Variants in VWA8 observed in about 807,000 individuals in gnomAD.
The protein encoded by VWA8 is von Willebrand factor A domain-containing protein 8.
VWA8 carries 221 observed loss-of-function variants against 241.5 expected under a neutral mutation model. The observed-to-expected ratio is 0.91, with a 90% confidence interval of 0.82 to 1.02. The LOEUF is 1.02. Among genes scored for constraint, VWA8 ranks in the 50% least tolerant of loss-of-function variants. The probability of loss-of-function intolerance (pLI) is 0.00; values close to 1 mark genes in which losing one functional copy is unlikely to be tolerated. For missense variants in VWA8, 2,322 were observed against 2,328.7 expected (o/e 1.00, Z 0.06); for synonymous variants, 852 against 827.1 (o/e 1.03, Z -0.52).
chr13:41,738,253 C>T (rs755333569), intron 21 of VWA8, among the ~76,000 whole-genome samples: 8 of 152,090 alleles, frequency 5.3e-5, no homozygotes, highest in African/African-American at 1.4e-4. Context: ...AGTAGTCAAT[C>T]ACTCATCACT....
intron 36 of VWA8, among the ~76,000 whole-genome samples, chr13:41,673,014 T>C (rs2045036133): frequency 6.6e-6 from 1 of 152,156 alleles, no homozygotes; most frequent in Admixed American, 6.5e-5. Context: ...CTTTAATTTA[T>C]TTAAAAAAAA....
At chr13:41,691,275 T>C (rs905135753) in intron 32 of VWA8, 45 bp downstream of exon 32, 21 of 1,573,818 alleles carry the variant, frequency 1.3e-5, no homozygotes, top group Middle Eastern at 3.4e-4. Flanking sequence ...ATAAATAAGA[T>C]TGAGCTACAA....
At chr13:41,797,077 C>G (rs1235724418) in intron 17 of VWA8, among the ~76,000 whole-genome samples, 1 of 152,014 alleles carries the variant, frequency 6.6e-6, no homozygotes, top group Non-Finnish European at 1.5e-5. Flanking sequence ...GTCATCCAGG[C>G]TAGAGTGTAA....
intron 28 of VWA8, among the ~76,000 whole-genome samples, chr13:41,699,725 T>C (rs2045237663): frequency 6.6e-6 from 1 of 152,212 alleles, no homozygotes; most frequent in Admixed American, 6.5e-5. Flanking sequence ...TTGCTGTAAA[T>C]AAGTAATTCC....
At chr13:41,675,433 A>G in intron 35 of VWA8, 137 bp from the exon 36 acceptor site, 1 of 519,398 alleles carries the variant, frequency 1.9e-6, no homozygotes, top group South Asian at 3.2e-5. Flanking sequence ...GTCAACCCTC[A>G]TGGCTAGACT....
chr13:41,889,942 C>CT (rs1874747416), intron 5 of VWA8, among the ~76,000 whole-genome samples: 1 of 152,102 alleles, frequency 6.6e-6, no homozygotes, highest in Non-Finnish European at 1.5e-5. Context: ...GCATAATAGC[C>CT]TTTTAAAAAA....
intron 39 of VWA8, among the ~76,000 whole-genome samples, chr13:41,610,921 A>G (rs2044583592): frequency 6.6e-6 from 1 of 152,160 alleles, no homozygotes; most frequent in South Asian, 2.1e-4. Context: ...GCCTAGATTA[A>G]GGCCTCTACT....
At chr13:41,875,626 A>C (rs569463511) in intron 9 of VWA8, among the ~76,000 whole-genome samples, 1 of 152,052 alleles carries the variant, frequency 6.6e-6, no homozygotes, top group South Asian at 2.1e-4. Flanking sequence ...CTATTTACCA[A>C]ATTAAATAAA....
At chr13:41,952,746 T>C (rs1327825659) in intron 1 of VWA8, among the ~76,000 whole-genome samples, 3 of 149,832 alleles carry the variant, frequency 2.0e-5, no homozygotes, top group African/African-American at 7.4e-5. Context: ...TGGCTGTCCA[T>C]TTTTTTTTTA....
At chr13:41,574,619 A>G (rs1355530846) in intron 43 of VWA8, among the ~76,000 whole-genome samples, 1 of 152,242 alleles carries the variant, frequency 6.6e-6, no homozygotes, top group Non-Finnish European at 1.5e-5. Flanking sequence ...AGCCAAAGCA[A>G]TACTAAGCAA....
At chr13:41,825,407 T>G (rs542215760) in intron 14 of VWA8, among the ~76,000 whole-genome samples, 1 of 152,178 alleles carries the variant, frequency 6.6e-6, no homozygotes, top group Admixed American at 6.5e-5. Context: ...ATTGCTACAG[T>G]TGGAACAAGA....
At chr13:41,653,058 CA>C (rs149944496) in intron 37 of VWA8, among the ~76,000 whole-genome samples, 223 of 152,200 alleles carry the variant, frequency 1.5e-3, no homozygotes, top group African/African-American at 4.8e-3. Flanking sequence ...AGATAGATGT[CA>C]AATAACATAA....
intron 37 of VWA8, among the ~76,000 whole-genome samples, chr13:41,669,253 G>A (rs944149998): frequency 2.0e-5 from 3 of 152,194 alleles, no homozygotes; most frequent in African/African-American, 7.2e-5. Flanking sequence ...TTCTTGAGAT[G>A]TTAGATCCAT....
Position 41,907,679 on chromosome 13 carries a change from C to T in VWA8, c.390G>A (p.Glu130=), listed in dbSNP as rs546019716. 1.1e-5 allele frequency: 17 copies of T among 1,614,102 alleles called. No individual in the cohort carries two copies. Among genetic ancestry groups the T allele is most frequent in the Non-Finnish European group, 1.4e-5 (16 of 1,179,982 alleles). Residue 130 remains glutamate, a synonymous_variant, in exon 4 of 45, where the codon GAG becomes GAA. Coordinates refer to ENST00000379310, the MANE Select transcript of VWA8 (RefSeq NM_015058.2). ...AMQYLELTKR[E]VEYIALSRDT... ...CCCTTGACAGGGCAATGTATTCGACCTCCCGTTTGGTCAGCTCCTGTAGAG... is the reference window on the plus strand; with the variant it reads ...CCCTTGACAGGGCAATGTATTCGACTTCCCGTTTGGTCAGCTCCTGTAGAG...
chr13:41,955,203 G>A (rs185668728), intron 1 of VWA8, among the ~76,000 whole-genome samples: 1 of 152,176 alleles, frequency 6.6e-6, no homozygotes, highest in East Asian at 1.9e-4. Context: ...CTCTCTAAAG[G>A]GGAATAAGAA....
rs1020863761 is a variant in VWA8 at position 41,653,167 on chromosome 13, G to T, written c.4611+17779C>A. On this transcript the variant is annotated intron_variant, in intron 37 of 44. Transcript: ENST00000379310. ...GACCAAATCTTTAATGAGATTGATA[G>T]ATTATAATGGATGTTTTCCTTAGGG... Among the ~76,000 whole-genome samples the T allele has an allele frequency of 6.6e-5, 10 of 152,248 alleles. 1 individual carries two copies. In the South Asian group the frequency reaches 2.1e-3, roughly 32 times the overall value.
At chr13:41,957,691 G>A (rs556769323) in intron 1 of VWA8, among the ~76,000 whole-genome samples, 19 of 152,070 alleles carry the variant, frequency 1.2e-4, no homozygotes, top group African/African-American at 1.9e-4. Context: ...ATTTGGGTGG[G>A]AGGATCATGT....
intron 37 of VWA8, among the ~76,000 whole-genome samples, chr13:41,624,509 G>C (rs1007082890): frequency 6.6e-6 from 1 of 152,136 alleles, no homozygotes; most frequent in Non-Finnish European, 1.5e-5. Flanking sequence ...GGGATGCAAG[G>C]CTGGTTCAAC....
chr13:41,654,222 G>T (rs1261738898), intron 37 of VWA8, among the ~76,000 whole-genome samples: 1 of 152,114 alleles, frequency 6.6e-6, no homozygotes, highest in Non-Finnish European at 1.5e-5. Context: ...AAAATTAATG[G>T]ATGAAAGTTT....
Sources: allele counts gnomAD v4.1 joint callset (sites outside exome capture counted in the v4.1 genomes callset), GRCh38; gene constraint gnomAD v4.1.1; transcripts MANE v1.5; gene names NCBI Gene and HGNC (gene_info 2026-07-23, HGNC 2026-07-21).